KMT2C: variants seen among roughly 807,000 people sequenced by gnomAD.
KMT2C encodes the protein histone-lysine N-methyltransferase 2C.
Under a neutral mutation model 507.9 loss-of-function variants are expected in KMT2C, and 88 were observed. The ratio of observed to expected loss-of-function variants is 0.17; its 90% CI spans 0.15 to 0.21. KMT2C has a LOEUF of 0.21. Among genes scored for constraint, KMT2C ranks in the 10% least tolerant of loss-of-function variants. The pLI is 1.00. For synonymous variants in KMT2C, 2,049 were observed against 2,080.8 expected (o/e 0.98, Z 0.42); for missense variants, 4,954 against 5,957.8 (o/e 0.83, Z 5.55).
chr7:152,171,130 C>T (rs369685180), intron 40 of KMT2C, 134 bp downstream of exon 40: 1 of 486,016 alleles, frequency 2.1e-6, no homozygotes, highest in Non-Finnish European at 3.6e-6. Flanking sequence ...TGGCAAATGG[C>T]ATATGGTGAA....
Position 152,136,799 on chromosome 7 carries a change from C to A in KMT2C, c.*33G>T, listed in dbSNP as rs1287471543. 6.6e-7 allele frequency: 1 copy of A among 1,513,944 alleles called. No individual in the cohort carries two copies. The highest frequency in any genetic ancestry group is 9.2e-7 in the Non-Finnish European group (1 of 1,089,680). 93.8% of individuals were successfully genotyped at this position (1,513,944 alleles called of 1,614,324 possible). Reference sequence around the variant, plus strand: ...GTGTTGAATCGCCTCTTCCTAGGGACAAGCCGCCCGCTGAGCTAGCAAGGA... The same window carrying A: ...GTGTTGAATCGCCTCTTCCTAGGGAAAAGCCGCCCGCTGAGCTAGCAAGGA... On this transcript the variant is annotated 3_prime_UTR_variant, in exon 59 of 59. Transcript: ENST00000262189.
At chr7:152,405,261 C>CTTTTT (rs5888467) in intron 1 of KMT2C, among the ~76,000 whole-genome samples, 11 of 151,974 alleles carry the variant, frequency 7.2e-5, no homozygotes, top group Non-Finnish European at 7.4e-5. Context: ...TTTAACTTCA[C>CTTTTT]TTTTTTTTTT....
intron 1 of KMT2C, chr7:152,366,987 C>T: frequency 1.8e-6 from 1 of 556,122 alleles, no homozygotes; most frequent in Non-Finnish European, 3.2e-6. Flanking sequence ...CCAGTTGCAG[C>T]CCCGGCCGCA....
intron 22 of KMT2C, among the ~76,000 whole-genome samples, chr7:152,221,616 T>C (rs781244815): frequency 1.3e-5 from 2 of 152,216 alleles, no homozygotes; most frequent in Non-Finnish European, 2.9e-5. Context: ...GAATATCATA[T>C]GAATCACCAT....
rs2092280456 is a variant in KMT2C, at chr7:152,158,966, C to T, written c.11567G>A (p.Arg3856Lys). The T allele has an allele frequency of 6.2e-7, 1 of 1,614,188 alleles. No homozygotes were observed. Among genetic ancestry groups the T allele is most frequent in the Non-Finnish European group, 8.5e-7 (1 of 1,180,034 alleles). ...TKKQRSKRTQ[R>K]TGEKAAPRSK... ...GCGAGGTGCTGCTTTCTCACCCGTCCTCTGAGTCCGTTTGCTTCGCTGTTT... is the reference window on the plus strand; with the variant it reads ...GCGAGGTGCTGCTTTCTCACCCGTCTTCTGAGTCCGTTTGCTTCGCTGTTT... Residue 3856 changes from arginine to lysine, a missense_variant, in exon 44 of 59, where the codon AGG (arginine) becomes AAG (lysine). This residue lies in a region of KMT2C where 801 missense variants were observed against 751.2 expected (regional missense o/e 1.07). Transcript: ENST00000262189.
chr7:152,276,321 C>T (rs2096078228), intron 6 of KMT2C, among the ~76,000 whole-genome samples: 1 of 152,146 alleles, frequency 6.6e-6, no homozygotes, highest in Non-Finnish European at 1.5e-5. Context: ...CCACAGGGAA[C>T]TTCTCAAATG....
intron 24 of KMT2C, among the ~76,000 whole-genome samples, chr7:152,206,218 T>C (rs1440490362): frequency 1.3e-5 from 2 of 152,070 alleles, no homozygotes; most frequent in Non-Finnish European, 2.9e-5. Context: ...GATATCGTTG[T>C]CTAGCAATTT....
At chr7:152,321,722 A>G (rs1339539841) in intron 3 of KMT2C, among the ~76,000 whole-genome samples, 4 of 151,954 alleles carry the variant, frequency 2.6e-5, no homozygotes, top group African/African-American at 9.7e-5. Flanking sequence ...AGGGAGGTAA[A>G]AGACCTGTAT....
chr7:152,333,139 G>A (rs181410233), intron 2 of KMT2C, among the ~76,000 whole-genome samples: 51 of 152,070 alleles, frequency 3.4e-4, no homozygotes, highest in Non-Finnish European at 5.4e-4. Flanking sequence ...ATATACTCCT[G>A]GGGTTGGGTG....
chr7:152,276,429 C>T (rs1266920109), intron 6 of KMT2C, among the ~76,000 whole-genome samples: 2 of 152,028 alleles, frequency 1.3e-5, no homozygotes, highest in African/African-American at 4.8e-5. Context: ...AATTACGAAG[C>T]TAATTAACAT....
intron 6 of KMT2C, among the ~76,000 whole-genome samples, chr7:152,276,528 G>A (rs1249907612): frequency 2.0e-5 from 3 of 152,122 alleles, no homozygotes; most frequent in Non-Finnish European, 2.9e-5. Flanking sequence ...TGAGGCAGGT[G>A]GATCATTTGA....
chr7:152,176,434 C>A lies in KMT2C; in HGVS notation c.9019G>T (p.Gly3007Ter). ...GGCCCAGTTTGAGTTGCAGGTTTTCCTGTCCCCAGACTGTGGTTAACTGTT... is the reference window on the plus strand; with the variant it reads ...GGCCCAGTTTGAGTTGCAGGTTTTCATGTCCCCAGACTGTGGTTAACTGTT... ...QSTVNHSLGT[G>*]KPATQTGPQT... Residue 3007 changes from glycine (G) to a stop codon, truncating the protein, a stop_gained, in exon 38 of 59, where the codon GGA (glycine) becomes TGA (stop). Transcript: ENST00000262189. LOFTEE classifies it high-confidence loss of function. 6.2e-7 allele frequency: 1 copy of A among 1,614,186 alleles called. No individual in the cohort carries two copies. Among genetic ancestry groups the A allele is most frequent in the Non-Finnish European group, 8.5e-7 (1 of 1,180,028 alleles).
At chr7:152,344,634 AAGAG>A (rs1314514299) in intron 2 of KMT2C, among the ~76,000 whole-genome samples, 3 of 151,920 alleles carry the variant, frequency 2.0e-5, no homozygotes, top group Non-Finnish European at 2.9e-5. Flanking sequence ...CAAAAAAAAA[AAGAG>A]AGAACTGTGC....
chr7:152,434,059 C>CT (rs1564247673), intron 1 of KMT2C, among the ~76,000 whole-genome samples: 1 of 152,202 alleles, frequency 6.6e-6, no homozygotes, highest in Non-Finnish European at 1.5e-5. Flanking sequence ...CCCAATATGG[C>CT]TTGTCCTGAG....
chr7:152,271,780 T>C (rs1198713614), intron 7 of KMT2C, among the ~76,000 whole-genome samples: 1 of 151,936 alleles, frequency 6.6e-6, no homozygotes, highest in Non-Finnish European at 1.5e-5. Flanking sequence ...AACAGCCCTA[T>C]GAAACTGATA....
chr7:152,409,469 G>A (rs1228051635), intron 1 of KMT2C, among the ~76,000 whole-genome samples: 1 of 151,694 alleles, frequency 6.6e-6, no homozygotes, highest in African/African-American at 2.4e-5. Context: ...TGTAATCCCA[G>A]CATTTTGGGA....
intron 48 of KMT2C, 36 bp downstream of exon 48, chr7:152,153,974 T>C (rs754876193): frequency 3.7e-6 from 6 of 1,604,978 alleles, no homozygotes; most frequent in Admixed American, 3.4e-5. Flanking sequence ...ATTGGGGACA[T>C]ACTGTTTAAC....
intron 16 of KMT2C, among the ~76,000 whole-genome samples, chr7:152,234,490 C>T (rs533096659): frequency 3.9e-4 from 59 of 152,216 alleles, no homozygotes; most frequent in African/African-American, 1.3e-3. Context: ...TAAGAAGATA[C>T]ATTTCCACTA....
At chr7:152,420,455 G>A (rs1231033545) in intron 1 of KMT2C, among the ~76,000 whole-genome samples, 1 of 152,192 alleles carries the variant, frequency 6.6e-6, no homozygotes, top group Non-Finnish European at 1.5e-5. Flanking sequence ...TCTGCACAAA[G>A]CGGGAACTTC....
Sources: allele counts gnomAD v4.1 joint callset (sites outside exome capture counted in the v4.1 genomes callset), GRCh38; gene constraint gnomAD v4.1.1; regional missense constraint gnomAD v4.1.1; transcripts MANE v1.5; gene names NCBI Gene and HGNC (gene_info 2026-07-23, HGNC 2026-07-21).